The following ATP5PO variants were observed in gnomAD, a reference collection of about 807,000 sequenced individuals.
The protein encoded by ATP5PO is ATP synthase peripheral stalk subunit OSCP.
A neutral mutation model predicts 26.2 loss-of-function variants in ATP5PO; 14 were observed. That is an observed-to-expected ratio of 0.53 (90% CI 0.35 to 0.83). The LOEUF (loss-of-function observed/expected upper bound fraction) is 0.83. ATP5PO is among the 40% of genes least tolerant of loss of function. The pLI, the probability that ATP5PO is intolerant of heterozygous loss-of-function variation, is 0.01. For synonymous variants in ATP5PO, 106 were observed against 95.1 expected (o/e 1.12, Z -0.67); for missense variants, 241 against 258.5 (o/e 0.93, Z 0.46).
chr21:33,915,771 C>A lies in ATP5PO; in HGVS notation c.-8G>T. 1 of 1,568,972 alleles carries A rather than the reference C, an allele frequency of 6.4e-7. No individual in the cohort carries two copies. Among genetic ancestry groups the A allele is most frequent in the East Asian group, 2.3e-5 (1 of 42,642 alleles). ...CACTGCTGGGGCAGCCATCTTCTCCCGGGCGGCTGTAGGTCAAACCCGAGT... is the reference window on the plus strand; with the variant it reads ...CACTGCTGGGGCAGCCATCTTCTCCAGGGCGGCTGTAGGTCAAACCCGAGT... On this transcript the variant is annotated 5_prime_UTR_variant, in exon 1 of 7. Transcript: ENST00000290299.
intron 1 of ATP5PO, chr21:33,915,490 G>C (rs1411500458): frequency 1.7e-5 from 10 of 572,850 alleles, no homozygotes; most frequent in Non-Finnish European, 2.7e-5. Context: ...CAGCTTCCAG[G>C]GGCTGTGCTC....
intron 2 of ATP5PO, 113 bp downstream of exon 2, chr21:33,914,337 C>T: frequency 9.7e-7 from 1 of 1,030,192 alleles, no homozygotes; most frequent in Admixed American, 2.2e-5. Context: ...AACCACAAGT[C>T]ACGCAAAAAG....
At chr21:33,915,493 C>T (rs1987301806) in intron 1 of ATP5PO, 1 of 576,970 alleles carries the variant, frequency 1.7e-6, no homozygotes, top group Non-Finnish European at 2.9e-6. Context: ...CTTCCAGGGG[C>T]TGTGCTCGGA....
At chr21:33,906,823 TATAAAA>T (rs1987179222) in intron 5 of ATP5PO, 1 of 451,798 alleles carries the variant, frequency 2.2e-6, no homozygotes. Flanking sequence ...CCTCCATCAC[TATAAAA>T]AACACACAAA....
intron 3 of ATP5PO, among the ~76,000 whole-genome samples, chr21:33,910,898 G>C (rs1474225598): frequency 6.6e-6 from 1 of 152,152 alleles, no homozygotes; most frequent in Non-Finnish European, 1.5e-5. Flanking sequence ...AACATAAACA[G>C]TACAGAACAG....
rs771863868 is a variant in ATP5PO at position 33,915,633 on chromosome 21, C to T, written c.36+95G>A. Reference sequence around the variant, plus strand: ...ATAACCTTGAAGACTGCCAGACTTCCCCAGCCGAAGCATCGCACCCTGGTG... The same window carrying T: ...ATAACCTTGAAGACTGCCAGACTTCTCCAGCCGAAGCATCGCACCCTGGTG... On this transcript the variant is annotated intron_variant, in intron 1 of 6. Coordinates refer to ENST00000290299, the MANE Select transcript of ATP5PO (RefSeq NM_001697.3). 4.8e-5 allele frequency: 72 copies of T among 1,505,750 alleles called. 1 individual carries two copies. In the Admixed American group the frequency reaches 5.5e-4, roughly 12 times the overall value. The allele number at this position is 1,505,750 out of a possible 1,614,324, so 93.3% of individuals were successfully genotyped here. A position where few individuals can be genotyped will look rare whatever the true frequency, so the allele number is the denominator to read the frequency against.
At position 33,915,739 on chromosome 21, in the gene ATP5PO, G is replaced by A. The variant is rs756841691; in HGVS notation, c.25C>T (p.Leu9Phe). Residue 9 changes from leucine (L) to phenylalanine (F), a missense_variant, in exon 1 of 7, where the codon CTC becomes TTC. Coordinates refer to ENST00000290299, the MANE Select transcript of ATP5PO (RefSeq NM_001697.3). MAAPAVSG[L>F]SRQVRCFSTS... ...CACCTTTCTCTCACCTGCCGGGAGAGCCCGGACACTGCTGGGGCAGCCATC... is the reference window on the plus strand; with the variant it reads ...CACCTTTCTCTCACCTGCCGGGAGAACCCGGACACTGCTGGGGCAGCCATC... 4.4e-6 allele frequency: 7 copies of A among 1,576,764 alleles called. No homozygotes were observed. The Admixed American group carries it at 9.0e-5, about 20-fold the overall frequency.
At chr21:33,907,641 C>G (rs1018184403) in intron 4 of ATP5PO, among the ~76,000 whole-genome samples, 188 bp from the exon 5 acceptor site, 2 of 152,148 alleles carry the variant, frequency 1.3e-5, no homozygotes, top group African/African-American at 2.4e-5. Context: ...GAGTTCAAGA[C>G]CAGCCAAAAT....
chr21:33,911,604 C>T (rs1419556481), intron 3 of ATP5PO, among the ~76,000 whole-genome samples: 2 of 145,444 alleles, frequency 1.4e-5, no homozygotes, highest in African/African-American at 5.0e-5. Context: ...TTCATGAAAA[C>T]AAATTCTCAG....
rs756080269 is a variant in ATP5PO at position 33,909,083 on chromosome 21, G to C, written c.327C>G (p.Ile109Met). The change falls in exon 4 of 7, where the codon ATC becomes ATG. Residue 109 changes from isoleucine (I) to methionine (M), a missense_variant and splice_region_variant. Coordinates refer to ENST00000290299, the MANE Select transcript of ATP5PO (RefSeq NM_001697.3). ...ERFSPLTTNL[I>M]NLLAENGRLS... ...AAATGAAAAAGTTCTAATACTCACT[G>C]ATCAGATTGGTAGTGAGGGGAGAGA... 2 of 1,605,730 alleles carry C rather than the reference G, an allele frequency of 1.2e-6. No homozygotes were observed. The highest frequency in any genetic ancestry group is 3.4e-5 in the Admixed American group (2 of 58,484).
intron 1 of ATP5PO, 40 bp from the exon 2 acceptor site, chr21:33,914,540 T>A: frequency 6.3e-7 from 1 of 1,582,186 alleles, no homozygotes; most frequent in Non-Finnish European, 8.6e-7. Flanking sequence ...ACAAAATTAC[T>A]TGAAGGATTT....
intron 1 of ATP5PO, 52 bp downstream of exon 1, chr21:33,915,676 G>T: frequency 6.5e-7 from 1 of 1,546,970 alleles, no homozygotes; most frequent in Non-Finnish European, 8.7e-7. Flanking sequence ...TTTGGTACCG[G>T]TCATCCCAGG....
intron 6 of ATP5PO, 66 bp downstream of exon 6, chr21:33,903,869 C>T: frequency 7.0e-7 from 1 of 1,427,400 alleles, no homozygotes; most frequent in Non-Finnish European, 9.6e-7. Flanking sequence ...TTCACTAGTA[C>T]TTTCTGTAGC....
intron 5 of ATP5PO, chr21:33,906,434 A>C (rs1408613920): frequency 9.1e-6 from 3 of 328,082 alleles, no homozygotes; most frequent in African/African-American, 2.2e-5. Context: ...GCCTGTGTTC[A>C]AATTCTAGTC....
chr21:33,912,306 C>G lies in ATP5PO; in HGVS notation c.181G>C (p.Glu61Gln), dbSNP rs1280743628. ...KQNKLEQVEK[E>Q]LLRVAQILKE... is the part of the protein sequence containing the mutation. The stretch of plus-strand genomic sequence containing the variant: ...CTACTTACTGCTACTCTCAACAACT[C>G]CTTTTCTACTTGCTCCAGCTTATTC... The change falls in exon 3 of 7, where the codon GAG becomes CAG. Residue 61 changes from glutamate (E) to glutamine (Q), a missense_variant. Glu to Gln is a conservative substitution (Grantham distance 29). Coordinates refer to ENST00000290299, the MANE Select transcript of ATP5PO (RefSeq NM_001697.3). 1 of 1,612,430 alleles carries G rather than the reference C, an allele frequency of 6.2e-7. No individual in the cohort carries two copies. The highest frequency in any genetic ancestry group is 8.5e-7 in the Non-Finnish European group (1 of 1,179,040).
rs550577928 is a variant in ATP5PO, at chr21:33,911,885, T to C, written c.198+404A>G. On this transcript the variant is annotated intron_variant, in intron 3 of 6. Transcript: ENST00000290299. ...TTCACTATGTCAGCTAGGCTGGTCT[T>C]GAACTCATGACCTCCTGATCTGCCT... Among the ~76,000 whole-genome samples the C allele has an allele frequency of 1.4e-3, 220 of 152,152 alleles. 1 individual carries two copies. Among genetic ancestry groups the C allele is most frequent in the African/African-American group, 5.2e-3 (214 of 41,518 alleles).
In ATP5PO at chr21:33,903,910, G is replaced by A. The variant is rs192699773; in HGVS notation, c.528+25C>T. On this transcript the variant is annotated intron_variant, in intron 6 of 6. Transcript: ENST00000290299. ...TAAGCTTAAAATAACCCGAGAAAACGTACCATAAATAATTTAAAACCTACC... is the reference window on the plus strand; with the variant it reads ...TAAGCTTAAAATAACCCGAGAAAACATACCATAAATAATTTAAAACCTACC... The A allele has an allele frequency of 5.2e-5, 82 of 1,565,466 alleles. No homozygotes were observed. The East Asian group carries it at 6.1e-4, about 12-fold the overall frequency.
At chr21:33,912,712 A>C (rs1987265066) in intron 2 of ATP5PO, among the ~76,000 whole-genome samples, 1 of 152,164 alleles carries the variant, frequency 6.6e-6, no homozygotes, top group African/African-American at 2.4e-5. Flanking sequence ...TTTTGAGATA[A>C]GCTTATGTTT....
Position 33,915,743 on chromosome 21 carries a change from G to C in ATP5PO, c.21C>G (p.Ser7=), listed in dbSNP as rs896967780. 2 of 1,576,538 alleles carry C rather than the reference G, an allele frequency of 1.3e-6. No homozygotes were observed. Among genetic ancestry groups the C allele is most frequent in the Admixed American group, 3.6e-5 (2 of 55,278 alleles). The change falls in exon 1 of 7, where the codon TCC becomes TCG. Residue 7 remains serine, a synonymous_variant. Coordinates refer to ENST00000290299, the MANE Select transcript of ATP5PO (RefSeq NM_001697.3). MAAPAV[S]GLSRQVRCFS... ...TTTCTCTCACCTGCCGGGAGAGCCC[G>C]GACACTGCTGGGGCAGCCATCTTCT...
Sources: gnomAD v4.1 joint callset for allele counts (sites outside exome capture counted in the v4.1 genomes callset) on GRCh38, gnomAD v4.1.1 for gene constraint, MANE v1.5 for transcripts, NCBI Gene and HGNC (gene_info 2026-07-23, HGNC 2026-07-21) for gene names.